PCCB: variants seen among roughly 807,000 people sequenced by gnomAD.
PCCB encodes the protein propionyl-CoA carboxylase beta chain, mitochondrial.
PCCB carries 43 observed loss-of-function variants against 60.7 expected under a neutral mutation model. The ratio of observed to expected loss-of-function variants is 0.71; its 90% CI spans 0.55 to 0.91. PCCB has a LOEUF of 0.91. Ranked by LOEUF, PCCB falls within the 40% of genes least tolerant of loss-of-function variation. The pLI is 0.00. For synonymous variants in PCCB, 276 were observed against 255.9 expected (o/e 1.08, Z -0.75); for missense variants, 766 against 702.8 (o/e 1.09, Z -1.02).
chr3:136,267,493 CT>C (rs1025897102), intron 5 of PCCB, among the ~76,000 whole-genome samples: 1 of 151,074 alleles, frequency 6.6e-6, no homozygotes, highest in Non-Finnish European at 1.5e-5. Flanking sequence ...CCTGTGGTGG[CT>C]TTTTTTTTGA....
intron 6 of PCCB, among the ~76,000 whole-genome samples, chr3:136,285,524 T>C (rs1255216784): frequency 6.6e-6 from 1 of 152,154 alleles, no homozygotes; most frequent in African/African-American, 2.4e-5. Flanking sequence ...ACGTGTTAAT[T>C]TAGCTTTGTC....
intron 9 of PCCB, among the ~76,000 whole-genome samples, chr3:136,313,532 A>G (rs573869488): frequency 1.3e-5 from 2 of 152,316 alleles, no homozygotes; most frequent in Non-Finnish European, 2.9e-5. Flanking sequence ...TACAAATGCA[A>G]ACACACACAT....
chr3:136,286,103 TA>T (rs1933392873), intron 6 of PCCB, among the ~76,000 whole-genome samples: 1 of 152,242 alleles, frequency 6.6e-6, no homozygotes, highest in Non-Finnish European at 1.5e-5. Context: ...AACTTGTAGG[TA>T]AATGGACAGA....
intron 10 of PCCB, among the ~76,000 whole-genome samples, chr3:136,323,313 A>T (rs116583506): frequency 3.3e-5 from 5 of 151,906 alleles, no homozygotes; most frequent in African/African-American, 4.8e-5. Context: ...AGTAATTTCA[A>T]TTGTTTTATC....
chr3:136,315,706 T>C (rs1576351841), intron 9 of PCCB, among the ~76,000 whole-genome samples: 1 of 151,760 alleles, frequency 6.6e-6, no homozygotes, highest in East Asian at 1.9e-4. Flanking sequence ...CATATACCTG[T>C]AGTCCTAGCT....
chr3:136,258,843 C>G (rs1220861527), intron 3 of PCCB, among the ~76,000 whole-genome samples: 1 of 151,966 alleles, frequency 6.6e-6, no homozygotes, highest in Non-Finnish European at 1.5e-5. Context: ...TTTCAGCCTC[C>G]TTCTCACCTC....
intron 10 of PCCB, among the ~76,000 whole-genome samples, chr3:136,320,065 G>T (rs1935057004): frequency 6.6e-6 from 1 of 152,194 alleles, no homozygotes; most frequent in Non-Finnish European, 1.5e-5. Context: ...CTGTATGTCT[G>T]TCCATATTCC....
intron 5 of PCCB, among the ~76,000 whole-genome samples, chr3:136,275,573 C>G (rs1942314497): frequency 6.6e-6 from 1 of 151,834 alleles, no homozygotes; most frequent in South Asian, 2.1e-4. Context: ...TCTAATTGTT[C>G]TTGAATTTAT....
chr3:136,271,430 C>G (rs1274646689), intron 5 of PCCB, among the ~76,000 whole-genome samples: 1 of 152,072 alleles, frequency 6.6e-6, no homozygotes, highest in Non-Finnish European at 1.5e-5. Context: ...TGCATTGAAT[C>G]TGTAGATTGC....
intron 1 of PCCB, among the ~76,000 whole-genome samples, chr3:136,251,839 TAGG>T (rs1374138266): frequency 6.6e-6 from 1 of 152,196 alleles, no homozygotes; most frequent in African/African-American, 2.4e-5. Context: ...AAAGTTAACT[TAGG>T]AGGCTGATTT....
rs553022169 is a variant in PCCB, at chr3:136,324,954, A to G, written c.1091-1849A>G. 3.3e-5 allele frequency among the ~76,000 whole-genome samples: 5 copies of G among 152,270 alleles called. No homozygotes were observed. In the East Asian group the frequency reaches 9.7e-4, roughly 29 times the overall value. ...GTCACCTAGTCTGGAGTGCAGTGGC[A>G]TGATCTTGGCTCACTGCAACCTCCT... On this transcript the variant is annotated intron_variant, in intron 10 of 14. Coordinates refer to ENST00000251654, the MANE Select transcript of PCCB (RefSeq NM_000532.5).
intron 5 of PCCB, among the ~76,000 whole-genome samples, chr3:136,281,561 C>T (rs1304023532): frequency 2.0e-5 from 3 of 152,082 alleles, no homozygotes; most frequent in Non-Finnish European, 1.5e-5. Flanking sequence ...GCTCATTGAA[C>T]ATATTTAAGA....
chr3:136,253,084 T>TTG (rs1684072524), intron 1 of PCCB, among the ~76,000 whole-genome samples: 1 of 110,648 alleles, frequency 9.0e-6, no homozygotes, highest in South Asian at 3.5e-4. Context: ...CAATGGAGGT[T>TTG]TTTTTTTTTT....
intron 9 of PCCB, among the ~76,000 whole-genome samples, chr3:136,308,923 A>T (rs1934550284): frequency 6.6e-6 from 1 of 152,172 alleles, no homozygotes; most frequent in African/African-American, 2.4e-5. Context: ...GTTTAAAACG[A>T]TGAACAGATG....
intron 9 of PCCB, among the ~76,000 whole-genome samples, chr3:136,314,904 T>A (rs1427111823): frequency 2.0e-5 from 3 of 152,174 alleles, no homozygotes; most frequent in African/African-American, 7.2e-5. Flanking sequence ...CCTGCAGATA[T>A]CACCATCATT....
chr3:136,270,575 G>A (rs1942169940), intron 5 of PCCB, among the ~76,000 whole-genome samples: 1 of 151,948 alleles, frequency 6.6e-6, no homozygotes, highest in Non-Finnish European at 1.5e-5. Context: ...GCGCGATCTC[G>A]GCTCACTGCA....
intron 9 of PCCB, among the ~76,000 whole-genome samples, chr3:136,305,746 T>TAAAAAAAA: frequency 1.2e-5 from 1 of 83,290 alleles, no homozygotes; most frequent in South Asian, 5.2e-4. Flanking sequence ...AAACTGTCTC[T>TAAAAAAAA]AAAAAAAAAA....
chr3:136,313,925 G>T (rs1169034548), intron 9 of PCCB, among the ~76,000 whole-genome samples: 3 of 152,082 alleles, frequency 2.0e-5, no homozygotes, highest in Admixed American at 2.0e-4. Flanking sequence ...TATGGCAAGA[G>T]AAAAAAATCT....
rs1362362926 is a variant in PCCB, at chr3:136,284,591, A to G, written c.654+644A>G. 2.0e-4 allele frequency among the ~76,000 whole-genome samples: 31 copies of G among 152,154 alleles called. 1 individual carries two copies. Among genetic ancestry groups the G allele is most frequent in the Admixed American group, 1.2e-3 (19 of 15,268 alleles). ...ATGCCAAGACAGAATGGTTGGGGGG[A>G]AAAAGTAGTGATAGCCATCCAACTT... On this transcript the variant is annotated intron_variant, in intron 6 of 14. Transcript: ENST00000251654.
Sources: allele counts gnomAD v4.1 joint callset (sites outside exome capture counted in the v4.1 genomes callset), GRCh38; gene constraint gnomAD v4.1.1; transcripts MANE v1.5; gene names NCBI Gene and HGNC (gene_info 2026-07-23, HGNC 2026-07-21).